Variants in SEC24A observed in about 807,000 individuals in gnomAD.
SEC24A encodes the protein protein transport protein Sec24A.
In SEC24A, 93 loss-of-function variants were observed where a neutral mutation model predicts 129.4. The ratio of observed to expected loss-of-function variants is 0.72; its 90% CI spans 0.61 to 0.85. The LOEUF is 0.85. Among genes scored for constraint, SEC24A ranks in the 40% least tolerant of loss-of-function variants. SEC24A has a pLI of 0.00. For missense variants in SEC24A, 1,264 were observed against 1,307.4 expected, an observed-to-expected ratio of 0.97 and a Z score of 0.51; for synonymous variants, 460 against 467.3, an observed-to-expected ratio of 0.98 and a Z score of 0.20.
chr5:134,671,762 G>A (rs1311841015), intron 3 of SEC24A, 47 bp from the exon 4 acceptor site: 2 of 1,136,206 alleles, frequency 1.8e-6, no homozygotes, highest in South Asian at 2.8e-5. Context: ...TACAGAGATT[G>A]TAATAATCAT....
At chr5:134,714,073 TCTC>T (rs1261946298) in intron 18 of SEC24A, among the ~76,000 whole-genome samples, 3 of 152,076 alleles carry the variant, frequency 2.0e-5, no homozygotes, top group Non-Finnish European at 2.9e-5. Flanking sequence ...ACTTTTTTCT[TCTC>T]CATTTTTATC....
At chr5:134,723,395 T>C (rs1438132656) in intron 21 of SEC24A, among the ~76,000 whole-genome samples, 172 bp from the exon 22 acceptor site, 2 of 151,348 alleles carry the variant, frequency 1.3e-5, no homozygotes, top group Admixed American at 6.6e-5. Context: ...AGCCTGGAGG[T>C]TGAGACTGCA....
intron 3 of SEC24A, among the ~76,000 whole-genome samples, chr5:134,670,988 CAAA>C (rs768927487): frequency 6.7e-6 from 1 of 149,060 alleles, no homozygotes; most frequent in Non-Finnish European, 1.5e-5. Flanking sequence ...GACTCCATCT[CAAA>C]AAAAAAGAAA....
At chr5:134,680,453 C>T (rs1751227280) in intron 8 of SEC24A, among the ~76,000 whole-genome samples, 1 of 152,178 alleles carries the variant, frequency 6.6e-6, no homozygotes, top group African/African-American at 2.4e-5. Context: ...CTGCCTCAGC[C>T]TCCTGAGTAG....
intron 14 of SEC24A, 98 bp downstream of exon 14, chr5:134,697,344 G>T (rs1018974422): frequency 5.1e-6 from 5 of 989,474 alleles, no homozygotes; most frequent in Non-Finnish European, 7.4e-6. Context: ...TAAAGAATAT[G>T]TATGCCCTTG....
intron 12 of SEC24A, chr5:134,692,909 G>A: frequency 1.2e-6 from 1 of 824,638 alleles, no homozygotes; most frequent in South Asian, 1.5e-5. Flanking sequence ...AACACTTGAA[G>A]GAAATCTGTC....
chr5:134,666,676 A>T (rs1750671598), intron 2 of SEC24A, 147 bp from the exon 3 acceptor site: 1 of 612,272 alleles, frequency 1.6e-6, no homozygotes, highest in African/African-American at 1.9e-5. Context: ...AAAAATTGTA[A>T]ATTTAGGAAG....
At chr5:134,657,381 T>C (rs1312255931) in intron 1 of SEC24A, among the ~76,000 whole-genome samples, 3 of 152,006 alleles carry the variant, frequency 2.0e-5, no homozygotes, top group Admixed American at 2.0e-4. Flanking sequence ...TCTGTTCAAA[T>C]GAATAAACAC....
At chr5:134,689,484 C>T (rs928993456) in intron 11 of SEC24A, among the ~76,000 whole-genome samples, 2 of 152,064 alleles carry the variant, frequency 1.3e-5, no homozygotes, top group Non-Finnish European at 2.9e-5. Context: ...ATAATGGGGC[C>T]GAGTGCGGTG....
intron 1 of SEC24A, among the ~76,000 whole-genome samples, chr5:134,656,093 T>C (rs568707403): frequency 6.6e-6 from 1 of 151,476 alleles, no homozygotes; most frequent in African/African-American, 2.4e-5. Context: ...CTTTTTTTTT[T>C]TTTTTTTAAG....
chr5:134,719,190 G>C (rs557295429), intron 20 of SEC24A, among the ~76,000 whole-genome samples: 19 of 151,748 alleles, frequency 1.3e-4, no homozygotes, highest in South Asian at 8.3e-4. Context: ...GAGACCAGCC[G>C]GGGCAACATG....
chr5:134,708,562 T>G (rs1168747458), intron 17 of SEC24A, 151 bp from the exon 18 acceptor site: 1 of 655,424 alleles, frequency 1.5e-6, no homozygotes, highest in East Asian at 2.9e-5. Context: ...CAGACCATGC[T>G]TTTAGCTGCT....
chr5:134,659,047 T>TTTTATTTATTTATTTA (rs142189667), intron 1 of SEC24A, among the ~76,000 whole-genome samples: 309 of 138,830 alleles, frequency 2.2e-3, no homozygotes, highest in Middle Eastern at 7.2e-3. Context: ...ACCCATTTAT[T>TTTTATTTATTTATTTA]TTTATTTATT....
In SEC24A at chr5:134,697,106, T is replaced by C; in HGVS notation, c.1987-20T>C. On this transcript the variant is annotated intron_variant, in intron 13 of 22. Coordinates refer to ENST00000398844, the MANE Select transcript of SEC24A (RefSeq NM_021982.3). ...TGTAATGATTTTTTAAAATGTCTCT[T>C]TATAATTTATTATAAATAGGATATA... 7.4e-7 allele frequency: 1 copy of C among 1,346,146 alleles called. No homozygotes were observed. Among genetic ancestry groups the C allele is most frequent in the Non-Finnish European group, 1.0e-6 (1 of 971,482 alleles). 83.4% of individuals were successfully genotyped at this position (1,346,146 alleles called of 1,614,324 possible). A position where few individuals can be genotyped will look rare whatever the true frequency, so the allele number is the denominator to read the frequency against.
rs930298551 is a variant in SEC24A, at chr5:134,704,013, A to G, written c.2440+81A>G. On this transcript the variant is annotated intron_variant, in intron 16 of 22. Coordinates refer to ENST00000398844, the MANE Select transcript of SEC24A (RefSeq NM_021982.3). ...AATGTCAAAATGGGCTATAAAATACATGTAGCATATCTTATGTGTGCTAAC... is the reference window on the plus strand; with the variant it reads ...AATGTCAAAATGGGCTATAAAATACGTGTAGCATATCTTATGTGTGCTAAC... 27 of 830,972 alleles carry G rather than the reference A, an allele frequency of 3.2e-5. 1 individual carries two copies. The South Asian group carries it at 3.8e-4, about 12-fold the overall frequency. 51.5% of individuals were successfully genotyped at this position (830,972 alleles called of 1,614,324 possible). A position where few individuals can be genotyped will look rare whatever the true frequency, so the allele number is the denominator to read the frequency against.
intron 10 of SEC24A, among the ~76,000 whole-genome samples, chr5:134,687,467 T>A (rs1282870745): frequency 1.3e-5 from 2 of 152,210 alleles, no homozygotes; most frequent in African/African-American, 2.4e-5. Context: ...TTTCCAGTGG[T>A]GCTTAGAGAC....
intron 14 of SEC24A, among the ~76,000 whole-genome samples, chr5:134,697,692 G>T (rs967892457): frequency 6.6e-6 from 1 of 152,108 alleles, no homozygotes; most frequent in African/African-American, 2.4e-5. Flanking sequence ...AGAGGTCAAG[G>T]CTGCAGTGAG....
Position 134,666,921 on chromosome 5 carries a change from A to G in SEC24A, c.664A>G (p.Arg222Gly). The change falls in exon 3 of 23, where the codon AGG (arginine) becomes GGG (glycine). Residue 222 changes from arginine (R) to glycine (G), a missense_variant. Coordinates refer to ENST00000398844, the MANE Select transcript of SEC24A (RefSeq NM_021982.3). The part of the protein sequence containing the change: ...PPPAGGPPPV[R>G]ALTPLTSSYR... ...TCCAGCTGGAGGCCCACCCCCAGTG[A>G]GGGCCCTCACGCCCCTGACATCATC... 6.2e-7 allele frequency: 1 copy of G among 1,611,340 alleles called. No homozygotes were observed. The highest frequency in any genetic ancestry group is 8.5e-7 in the Non-Finnish European group (1 of 1,177,496).
intron 1 of SEC24A, among the ~76,000 whole-genome samples, chr5:134,655,231 C>T (rs899834705): frequency 2.6e-5 from 4 of 152,104 alleles, no homozygotes; most frequent in African/African-American, 9.7e-5. Context: ...CAATTTGTAC[C>T]ATTATTATAG....
Sources: gnomAD v4.1 joint callset for allele counts (sites outside exome capture counted in the v4.1 genomes callset) on GRCh38, gnomAD v4.1.1 for gene constraint, MANE v1.5 for transcripts, NCBI Gene and HGNC (gene_info 2026-07-23, HGNC 2026-07-21) for gene names.